The following THRB variants were observed in gnomAD, a reference collection of about 807,000 sequenced individuals.
THRB encodes the protein thyroid hormone receptor beta, also known as nuclear receptor subfamily 1 group A member 2.
A neutral mutation model predicts 47.8 loss-of-function variants in THRB; 12 were observed. The ratio of observed to expected loss-of-function variants is 0.25; its 90% confidence interval spans 0.16 to 0.41. THRB has a LOEUF of 0.41. THRB is among the 10% of genes least tolerant of loss of function. The probability of loss-of-function intolerance (pLI) is 1.00; values close to 1 mark genes in which losing one functional copy is unlikely to be tolerated. For missense variants in THRB, 348 were observed against 589.2 expected (o/e 0.59, Z 4.24); for synonymous variants, 218 against 212.2 (o/e 1.03, Z -0.24).
At chr3:24,256,632 A>C (rs76954846) in intron 3 of THRB, among the ~76,000 whole-genome samples, 91 of 152,260 alleles carry the variant, frequency 6.0e-4, no homozygotes, top group African/African-American at 2.1e-3. Context: ...TGTCTCAAGT[A>C]TGTACAAGAA....
intron 1 of THRB, among the ~76,000 whole-genome samples, chr3:24,461,588 A>G (rs1334621679): frequency 1.3e-5 from 2 of 152,254 alleles, no homozygotes; most frequent in Non-Finnish European, 2.9e-5. Context: ...ATCGTTGACC[A>G]AGTCAAAGCT....
intron 4 of THRB, among the ~76,000 whole-genome samples, chr3:24,209,903 T>C (rs1415373072): frequency 7.9e-5 from 12 of 152,218 alleles, no homozygotes; most frequent in Admixed American, 7.9e-4. Flanking sequence ...TGGCCTGAGA[T>C]ATTTTCTGAC....
chr3:24,417,125 C>T (rs892486466), intron 1 of THRB, among the ~76,000 whole-genome samples: 1 of 151,222 alleles, frequency 6.6e-6, no homozygotes, highest in Non-Finnish European at 1.5e-5. Context: ...CACACACACA[C>T]ACACACACAC....
intron 2 of THRB, among the ~76,000 whole-genome samples, chr3:24,328,414 A>G (rs2061721217): frequency 6.6e-6 from 1 of 152,174 alleles, no homozygotes; most frequent in South Asian, 2.1e-4. Context: ...CTCCACATAA[A>G]TGTTCCATAA....
rs367678183 is a variant in THRB at position 24,453,197 on chromosome 3, TAGC to T, written c.-261+41452_-261+41454del. Among the ~76,000 whole-genome samples the T allele has an allele frequency of 9.4e-3, 1,435 of 152,308 alleles. 21 individuals are homozygous for T. The highest frequency in any genetic ancestry group is 0.033 in the African/African-American group (1,352 of 41,562). On this transcript the variant is annotated intron_variant, in intron 1 of 10. Transcript: ENST00000646209. ...CTATTTCAGTAGTCAAAACAATTAA[TAGC>T]AGCAACAGTTATTAAAGCATTCACT...
At chr3:24,373,682 A>G (rs764583084) in intron 1 of THRB, among the ~76,000 whole-genome samples, 22 of 152,252 alleles carry the variant, frequency 1.4e-4, no homozygotes, top group Non-Finnish European at 2.5e-4. Flanking sequence ...AAAACTGTTA[A>G]AGCCAACTAA....
intron 3 of THRB, among the ~76,000 whole-genome samples, chr3:24,286,110 T>C (rs1047197154): frequency 1.3e-5 from 2 of 152,126 alleles, no homozygotes; most frequent in African/African-American, 4.8e-5. Flanking sequence ...AACCAGGAAG[T>C]GGGCCCTTAC....
chr3:24,148,589 T>G (rs1271517091), intron 6 of THRB, among the ~76,000 whole-genome samples: 1 of 152,220 alleles, frequency 6.6e-6, no homozygotes, highest in East Asian at 1.9e-4. Flanking sequence ...GGATGTCTTC[T>G]GCTAAGGCCT....
At chr3:24,495,443 C>G (rs995979778), upstream of THRB, 2 of 153,174 alleles carry the variant, frequency 1.3e-5, no homozygotes, top group Non-Finnish European at 2.9e-5. Flanking sequence ...CCTACGCACT[C>G]GAGGTCCCCG....
Position 24,316,057 on chromosome 3 carries a change from G to T in THRB, c.-188-18686C>A, listed in dbSNP as rs28395340. 7.7e-3 allele frequency among the ~76,000 whole-genome samples: 1,168 copies of T among 152,246 alleles called. 17 individuals are homozygous for T. The highest frequency in any genetic ancestry group is 0.025 in the African/African-American group (1,052 of 41,554). ...CTCCTGAGGTGCCCAGCTATGAATT[G>T]AAAATGCTTTATTGCACTCTTTAGA... On this transcript the variant is annotated intron_variant, in intron 2 of 10. Transcript: ENST00000646209.
chr3:24,466,849 A>C (rs144655108), intron 1 of THRB, among the ~76,000 whole-genome samples: 1,985 of 152,266 alleles, frequency 0.013, 49 homozygotes, highest in African/African-American at 0.045. Flanking sequence ...GCTGGCTGCT[A>C]ACTGATCAGG....
intron 2 of THRB, among the ~76,000 whole-genome samples, chr3:24,314,092 T>C (rs971050713): frequency 6.6e-6 from 1 of 152,246 alleles, no homozygotes; most frequent in African/African-American, 2.4e-5. Flanking sequence ...ATAGGCGTTT[T>C]ATACACCTGC....
At chr3:24,333,011 G>A (rs1056227208) in intron 2 of THRB, among the ~76,000 whole-genome samples, 1 of 152,134 alleles carries the variant, frequency 6.6e-6, no homozygotes, top group East Asian at 1.9e-4. Flanking sequence ...CGTGAACCGG[G>A]AGGCGGAGTT....
chr3:24,251,422 A>G (rs1230084997), intron 3 of THRB, among the ~76,000 whole-genome samples: 1 of 152,110 alleles, frequency 6.6e-6, no homozygotes, highest in Non-Finnish European at 1.5e-5. Context: ...CCAAGAACAA[A>G]ACAACAAATA....
At chr3:24,293,019 T>TG (rs2056095202) in intron 3 of THRB, among the ~76,000 whole-genome samples, 1 of 74,688 alleles carries the variant, frequency 1.3e-5, no homozygotes, top group Non-Finnish European at 2.6e-5. Context: ...AGCTGCAAAG[T>TG]TTTTGTTTGT....
intron 1 of THRB, among the ~76,000 whole-genome samples, chr3:24,390,163 A>G (rs989106522): frequency 6.6e-6 from 1 of 152,150 alleles, no homozygotes. Context: ...GAAAAAGGCA[A>G]TGATTCATTG....
At chr3:24,440,196 C>T (rs1424154438) in intron 1 of THRB, among the ~76,000 whole-genome samples, 1 of 152,104 alleles carries the variant, frequency 6.6e-6, no homozygotes, top group African/African-American at 2.4e-5. Context: ...TAAAACTTAA[C>T]CTTGTTCCAT....
intron 1 of THRB, among the ~76,000 whole-genome samples, chr3:24,373,230 C>A (rs2065041889): frequency 6.6e-6 from 1 of 152,118 alleles, no homozygotes; most frequent in South Asian, 2.1e-4. Context: ...GTTACTGGCT[C>A]TCATAAACTG....
chr3:24,330,663 T>C (rs889086875), intron 2 of THRB, among the ~76,000 whole-genome samples: 1 of 152,156 alleles, frequency 6.6e-6, no homozygotes, highest in African/African-American at 2.4e-5. Context: ...TTGTCCAGGA[T>C]GTCAGAACAG....
Sources: gnomAD v4.1 joint callset for allele counts (sites outside exome capture counted in the v4.1 genomes callset) on GRCh38, gnomAD v4.1.1 for gene constraint, MANE v1.5 for transcripts, NCBI Gene and HGNC (gene_info 2026-07-23, HGNC 2026-07-21) for gene names.